The following RUBCN variants were observed in gnomAD, a reference collection of about 807,000 sequenced individuals.
RUBCN encodes run domain Beclin-1-interacting and cysteine-rich domain-containing protein.
In RUBCN, 74 loss-of-function variants were observed where a neutral mutation model predicts 113.2. The observed-to-expected ratio is 0.65, with a 90% CI of 0.54 to 0.79. RUBCN has a LOEUF of 0.79. RUBCN is among the 30% of genes least tolerant of loss of function. RUBCN has a pLI of 0.00. For synonymous variants in RUBCN, 480 were observed against 490.0 expected, an observed-to-expected ratio of 0.98 and a Z score of 0.27; for missense variants, 1,109 against 1,251.7, an observed-to-expected ratio of 0.89 and a Z score of 1.72.
chr3:197,677,693 G>T, intron 16 of RUBCN, 152 bp from the exon 17 acceptor site: 1 of 686,718 alleles, frequency 1.5e-6, no homozygotes, highest in Non-Finnish European at 2.6e-6. Context: ...ACTGGCTCCA[G>T]ACTGTCCTAT....
intron 8 of RUBCN, among the ~76,000 whole-genome samples, 161 bp from the exon 9 acceptor site, chr3:197,696,142 G>A (rs1311110791): frequency 6.6e-6 from 1 of 152,156 alleles, no homozygotes; most frequent in Non-Finnish European, 1.5e-5. Flanking sequence ...GGGAGGGCAA[G>A]GCAGGCGGAT....
In RUBCN at chr3:197,681,762, G is replaced by A. The variant is rs1307744408; in HGVS notation, c.2191+73C>T. 3.4e-5 allele frequency: 47 copies of A among 1,364,420 alleles called. No individual in the cohort carries two copies. Among genetic ancestry groups the A allele is most frequent in the Admixed American group, 2.0e-4 (12 of 59,622 alleles). 84.5% of individuals were successfully genotyped at this position (1,364,420 alleles called of 1,614,324 possible). On this transcript the variant is annotated intron_variant, in intron 15 of 19. Transcript: ENST00000296343. The surrounding 1 kb of genome is among the most constrained non-coding windows in gnomAD (Gnocchi z 5.5). ...CACCTCCTGCTACCGCCTTTGACAC[G>A]CCACCTCTCCCTACGTGTCGGGGAG... is the stretch of plus-strand genomic sequence containing the variant.
At chr3:197,680,591 T>C (rs1450618314) in intron 16 of RUBCN, among the ~76,000 whole-genome samples, 1 of 152,144 alleles carries the variant, frequency 6.6e-6, no homozygotes, top group African/African-American at 2.4e-5. Flanking sequence ...GACTGTCCTA[T>C]GCTCTAACTT....
At position 197,699,348 on chromosome 3, in the gene RUBCN, G is replaced by A. The variant is rs938294183; in HGVS notation, c.1261+1265C>T. On this transcript the variant is annotated intron_variant, in intron 7 of 19. Coordinates refer to ENST00000296343, the MANE Select transcript of RUBCN (RefSeq NM_014687.4). Reference sequence around the variant, plus strand: ...GAAGTGGGGATGGAACTCCCAAGAGGAAACCCCAGTTGTGAAGGACGGATG... The same window carrying A: ...GAAGTGGGGATGGAACTCCCAAGAGAAAACCCCAGTTGTGAAGGACGGATG... The A allele has an allele frequency of 5.7e-6, 4 of 701,932 alleles. No homozygotes were observed. In the Admixed American group the frequency reaches 9.5e-5, roughly 17 times the overall value. 43.5% of individuals were successfully genotyped at this position (701,932 alleles called of 1,614,324 possible). A position where few individuals can be genotyped will look rare whatever the true frequency, so the allele number is the denominator to read the frequency against.
intron 1 of RUBCN, among the ~76,000 whole-genome samples, chr3:197,720,076 C>T (rs1375404852): frequency 6.6e-6 from 1 of 152,110 alleles, no homozygotes; most frequent in Non-Finnish European, 1.5e-5. Context: ...CTCTCCATGC[C>T]CTTCTCCCGC....
intron 2 of RUBCN, among the ~76,000 whole-genome samples, chr3:197,712,889 C>T (rs1440571956): frequency 1.4e-5 from 2 of 147,256 alleles, no homozygotes; most frequent in Non-Finnish European, 3.0e-5. Context: ...GATGGAGTTT[C>T]GCTCTTGTCA....
chr3:197,677,136 G>T, intron 17 of RUBCN, 98 bp from the exon 18 acceptor site: 2 of 1,323,746 alleles, frequency 1.5e-6, no homozygotes, highest in Non-Finnish European at 1.1e-6. Context: ...AAGTAATGAG[G>T]GTGGGCACCC....
chr3:197,734,911 C>G (rs1368057158), intron 1 of RUBCN, among the ~76,000 whole-genome samples: 4 of 152,180 alleles, frequency 2.6e-5, no homozygotes, highest in Non-Finnish European at 5.9e-5. Context: ...TCCTGTCAGT[C>G]CAGGTTTTGT....
At chr3:197,712,189 C>T (rs1370500596) in intron 2 of RUBCN, among the ~76,000 whole-genome samples, 1 of 152,014 alleles carries the variant, frequency 6.6e-6, no homozygotes, top group African/African-American at 2.4e-5. Context: ...GGCTAAATGT[C>T]TCCACATTTC....
chr3:197,676,141 C>T (rs1720385691), intron 18 of RUBCN: 2 of 973,162 alleles, frequency 2.1e-6, no homozygotes, highest in Non-Finnish European at 2.4e-6. Flanking sequence ...TACAAATTAC[C>T]CCATCAACCC....
chr3:197,742,920 TG>T (rs1728584843), intron 1 of RUBCN, among the ~76,000 whole-genome samples: 1 of 152,268 alleles, frequency 6.6e-6, no homozygotes, highest in African/African-American at 2.4e-5. Flanking sequence ...ATGCCACAGT[TG>T]GTCATTCAGT....
chr3:197,695,776 C>A (rs563402026), intron 9 of RUBCN, 90 bp downstream of exon 9: 1 of 1,189,526 alleles, frequency 8.4e-7, no homozygotes, highest in South Asian at 1.2e-5. Flanking sequence ...GTAATCTATA[C>A]CCAAAACCTC....
chr3:197,674,849 G>A lies in RUBCN; in HGVS notation c.*169C>T. On this transcript the variant is annotated 3_prime_UTR_variant, in exon 20 of 20. Transcript: ENST00000296343. ...CTCTGGACCCATCAACCTGCCGACG[G>A]CTGACTGCACACAGACGTCAGACAA... The A allele has an allele frequency of 4.3e-5, 25 of 580,158 alleles. No individual in the cohort carries two copies. Among genetic ancestry groups the A allele is most frequent in the Admixed American group, 1.5e-4 (4 of 27,384 alleles). 35.9% of individuals were successfully genotyped at this position (580,158 alleles called of 1,614,324 possible).
In RUBCN at chr3:197,681,164, G is replaced by A. The variant is rs1471849175; in HGVS notation, c.2395C>T (p.Leu799Phe). The A allele has an allele frequency of 1.2e-6, 2 of 1,613,996 alleles. No homozygotes were observed. Among genetic ancestry groups the A allele is most frequent in the East Asian group, 2.2e-5 (1 of 44,866 alleles). The change falls in exon 16 of 20, where the codon CTC (leucine) becomes TTC (phenylalanine). Residue 799 changes from leucine to phenylalanine, a missense_variant. By Grantham distance (22) the Leu-to-Phe change is conservative (BLOSUM62 0). Coordinates refer to ENST00000296343, the MANE Select transcript of RUBCN (RefSeq NM_014687.4). This position sits in a 1 kb window ranked among gnomAD's most constrained non-coding sequence, Gnocchi z 5.5. ...LFNVQDINSA[L>F]YRKVKLLNQV... Reference sequence around the variant, plus strand: ...TTGAGCAGCTTGACCTTCCTATAGAGGGCACTGTTTATGTCCTGCACGTTG... The same window carrying A: ...TTGAGCAGCTTGACCTTCCTATAGAAGGCACTGTTTATGTCCTGCACGTTG...
At chr3:197,677,740 C>A (rs1194100883) in intron 16 of RUBCN, among the ~76,000 whole-genome samples, 199 bp from the exon 17 acceptor site, 4 of 151,944 alleles carry the variant, frequency 2.6e-5, no homozygotes, top group Admixed American at 2.6e-4. Context: ...TTGTCCCACA[C>A]TCTGACTGAC....
rs1301193621 is a variant in RUBCN, at chr3:197,671,800, A to G, written c.*3218T>C. ...GTGACAGTTACACCATGCACCAGAA[A>G]CCCAGAGAAGTGAAGTGGTTCGCTC... On this transcript the variant is annotated 3_prime_UTR_variant, in exon 20 of 20. Transcript: ENST00000296343. 3 of 152,298 alleles carry G rather than the reference A, an allele frequency of 2.0e-5. No individual in the cohort carries two copies. The highest frequency in any genetic ancestry group is 2.9e-5 in the Non-Finnish European group (2 of 68,024). 9.4% of individuals were successfully genotyped at this position (152,298 alleles called of 1,614,324 possible).
chr3:197,725,826 C>T (rs1006338175), intron 1 of RUBCN, among the ~76,000 whole-genome samples: 5 of 152,090 alleles, frequency 3.3e-5, no homozygotes, highest in African/African-American at 1.2e-4. Context: ...ACCTAACCAC[C>T]AACAAACTCC....
intron 1 of RUBCN, among the ~76,000 whole-genome samples, chr3:197,743,671 C>T (rs893344456): frequency 5.3e-5 from 8 of 152,122 alleles, no homozygotes; most frequent in Non-Finnish European, 1.2e-4. Flanking sequence ...AAGGGTGCTA[C>T]GAATTAGCTA....
chr3:197,694,065 T>C (rs1722722929), intron 10 of RUBCN: 1 of 526,338 alleles, frequency 1.9e-6, no homozygotes, highest in Non-Finnish European at 3.4e-6. Flanking sequence ...TATATACATA[T>C]ATATATTTAG....
Sources: allele counts gnomAD v4.1 joint callset (sites outside exome capture counted in the v4.1 genomes callset), GRCh38; gene constraint gnomAD v4.1.1; non-coding constraint Gnocchi (gnomAD v3.1); transcripts MANE v1.5; gene names NCBI Gene and HGNC (gene_info 2026-07-23, HGNC 2026-07-21).